The following ADCY2 variants were observed in gnomAD, a reference collection of about 807,000 sequenced individuals.
The protein encoded by ADCY2 is adenylate cyclase type 2.
ADCY2 carries 31 observed loss-of-function variants against 125.2 expected under a neutral mutation model. The ratio of observed to expected loss-of-function variants is 0.25; its 90% CI spans 0.19 to 0.33. ADCY2 has a LOEUF of 0.33. ADCY2 is among the 10% of genes least tolerant of loss of function. The pLI, the probability that ADCY2 is intolerant of heterozygous loss-of-function variation, is 1.00. For missense variants in ADCY2, 904 were observed against 1,418.2 expected (o/e 0.64, Z 5.82); for synonymous variants, 512 against 548.4 (o/e 0.93, Z 0.93).
intron 14 of ADCY2, among the ~76,000 whole-genome samples, chr5:7,741,202 A>G (rs1742396403): frequency 6.6e-6 from 1 of 152,176 alleles, no homozygotes; most frequent in South Asian, 2.1e-4. Context: ...CAGAACCAAT[A>G]AACATGGCAG....
At chr5:7,623,168 C>A (rs1198500443) in intron 3 of ADCY2, among the ~76,000 whole-genome samples, 1 of 152,186 alleles carries the variant, frequency 6.6e-6, no homozygotes, top group African/African-American at 2.4e-5. Flanking sequence ...AGTTCTGTTG[C>A]TTACACTTGG....
In ADCY2 at chr5:7,757,534, C is replaced by G. The variant is rs52827085; in HGVS notation, c.2042C>G (p.Ser681Cys). The part of the protein sequence containing the change: ...IIANRPWPRI[S>C]LTIITTAIIL... ...GCCAACCGCCCCTGGCCACGGATCT[C>G]TCTCACGATCATCACCACAGCCATC... Residue 681 changes from serine to cysteine, a missense_variant, in exon 16 of 25, where the codon TCT (serine) becomes TGT (cysteine). Ser to Cys is a moderately radical substitution (Grantham distance 112, BLOSUM62 -1). Around this residue, in one of 7 missense-constraint regions of ADCY2, gnomAD observed 221 missense variants for 246.2 expected, o/e 0.90. Transcript: ENST00000338316. 75,237 of 1,613,518 alleles carry G rather than the reference C, an allele frequency of 0.047. 2,114 individuals carry two copies. Among genetic ancestry groups the G allele is most frequent in the Non-Finnish European group, 0.053 (62,520 of 1,179,760 alleles).
intron 4 of ADCY2, among the ~76,000 whole-genome samples, chr5:7,685,904 G>C (rs1285831340): frequency 3.3e-5 from 5 of 152,202 alleles, no homozygotes. Context: ...TGGCTGCTTA[G>C]GGATCTGGTG....
At chr5:7,424,623 C>G (rs1223220467) in intron 2 of ADCY2, among the ~76,000 whole-genome samples, 1 of 152,210 alleles carries the variant, frequency 6.6e-6, no homozygotes, top group East Asian at 1.9e-4. Flanking sequence ...GGGGAGGGAG[C>G]AGTTTCTGCA....
intron 3 of ADCY2, among the ~76,000 whole-genome samples, chr5:7,592,746 GAGA>G (rs1446564212): frequency 2.0e-5 from 3 of 152,178 alleles, no homozygotes; most frequent in African/African-American, 7.2e-5. Context: ...TTCTGAAGGA[GAGA>G]AGTTTTGGAA....
At chr5:7,700,754 C>G (rs920419788) in intron 7 of ADCY2, among the ~76,000 whole-genome samples, 1 of 121,722 alleles carries the variant, frequency 8.2e-6, no homozygotes, top group South Asian at 3.1e-4. Context: ...CACACACACA[C>G]ACAGCCTCAG....
rs748404490 is a variant in ADCY2, at chr5:7,520,800, C to T, written c.471C>T (p.Asp157=). Residue 157 remains aspartate, a synonymous_variant, in exon 3 of 25, where the codon GAC becomes GAT. Transcript: ENST00000338316. The stretch of plus-strand genomic sequence containing the variant: ...CCATGCTGCCCTTCAACATGCGAGA[C>T]GCCATCATTGCCAGCGTCCTCACCT... ...VYTMLPFNMR[D]AIIASVLTSS... is the part of the protein sequence containing the mutation. The T allele has an allele frequency of 1.1e-4, 173 of 1,614,088 alleles. No individual in the cohort carries two copies. The highest frequency in any genetic ancestry group is 4.0e-4 in the East Asian group (18 of 44,898).
intron 14 of ADCY2, among the ~76,000 whole-genome samples, chr5:7,737,300 G>A (rs1276455002): frequency 6.6e-6 from 1 of 152,214 alleles, no homozygotes; most frequent in Non-Finnish European, 1.5e-5. Flanking sequence ...CTCTAGACTT[G>A]TAAGGAAACA....
chr5:7,732,235 A>G (rs79915729), intron 14 of ADCY2, among the ~76,000 whole-genome samples: 1,698 of 152,314 alleles, frequency 0.011, 32 homozygotes, highest in African/African-American at 0.038. Context: ...GGTGATCCCA[A>G]TTTTCAAAAC....
chr5:7,740,545 G>GAC (rs1742378265), intron 14 of ADCY2, among the ~76,000 whole-genome samples: 1 of 151,948 alleles, frequency 6.6e-6, no homozygotes, highest in Non-Finnish European at 1.5e-5. Context: ...AAATTCATAA[G>GAC]ACATAGAAGT....
chr5:7,772,842 T>G, intron 17 of ADCY2, 90 bp from the exon 18 acceptor site: 360 of 1,268,820 alleles, frequency 2.8e-4, no homozygotes, highest in Non-Finnish European at 3.8e-4. Context: ...GTTGACCAGA[T>G]GAGATGGGCG....
intron 24 of ADCY2, among the ~76,000 whole-genome samples, chr5:7,821,356 GA>G (rs966055434): frequency 2.0e-5 from 3 of 151,868 alleles, no homozygotes; most frequent in African/African-American, 7.3e-5. Context: ...AAAGATAATA[GA>G]AAAAAAATCT....
intron 4 of ADCY2, among the ~76,000 whole-genome samples, chr5:7,687,658 A>C (rs1740560926): frequency 6.6e-6 from 1 of 152,182 alleles, no homozygotes; most frequent in Non-Finnish European, 1.5e-5. Context: ...GTATTTATTC[A>C]TCAGCTACCT....
In ADCY2 at chr5:7,687,483, C is replaced by G. The variant is rs886136762; in HGVS notation, c.721-3208C>G. Among the ~76,000 whole-genome samples the G allele has an allele frequency of 3.9e-5, 6 of 152,130 alleles. No individual in the cohort carries two copies. In the East Asian group the frequency reaches 9.7e-4, roughly 25 times the overall value. ...AGTAATTTAGTTGGGAAGTGGTTCT[C>G]TTTAGCAGGGTGAGGGCGTGGGACC... On this transcript the variant is annotated intron_variant, in intron 4 of 24. Coordinates refer to ENST00000338316, the MANE Select transcript of ADCY2 (RefSeq NM_020546.3).
At chr5:7,687,085 T>C (rs886690379) in intron 4 of ADCY2, among the ~76,000 whole-genome samples, 1 of 152,236 alleles carries the variant, frequency 6.6e-6, no homozygotes, top group Non-Finnish European at 1.5e-5. Flanking sequence ...CGTCTTCATT[T>C]CAGCTTAAAT....
chr5:7,665,208 C>T (rs994900066), intron 4 of ADCY2, among the ~76,000 whole-genome samples: 4 of 152,182 alleles, frequency 2.6e-5, no homozygotes, highest in Non-Finnish European at 5.9e-5. Flanking sequence ...CAGAGTTTGA[C>T]TCTTTTCATC....
chr5:7,713,624 T>C (rs1223667902), intron 11 of ADCY2, among the ~76,000 whole-genome samples: 1 of 152,156 alleles, frequency 6.6e-6, no homozygotes, highest in African/African-American at 2.4e-5. Flanking sequence ...GAGAAAAGTT[T>C]CCCACAAATG....
At chr5:7,522,882 C>G (rs1174310146) in intron 3 of ADCY2, among the ~76,000 whole-genome samples, 2 of 151,192 alleles carry the variant, frequency 1.3e-5, no homozygotes, top group Non-Finnish European at 2.9e-5. Flanking sequence ...GCCGAGATCG[C>G]GCCACTGCAC....
chr5:7,690,913 A>G (rs758024789), intron 5 of ADCY2, 74 bp downstream of exon 5: 2 of 1,384,238 alleles, frequency 1.4e-6, no homozygotes, highest in Non-Finnish European at 1.9e-6. Context: ...GGGATCTCAC[A>G]CCTCATATCA....
Sources: allele counts gnomAD v4.1 joint callset (sites outside exome capture counted in the v4.1 genomes callset), GRCh38; gene constraint gnomAD v4.1.1; regional missense constraint gnomAD v4.1.1; transcripts MANE v1.5; gene names NCBI Gene and HGNC (gene_info 2026-07-23, HGNC 2026-07-21).